The following DIAPH2 variants were observed in gnomAD, a reference collection of about 807,000 sequenced individuals.
The protein encoded by DIAPH2 is protein diaphanous homolog 2.
DIAPH2 carries 35 observed loss-of-function variants against 92.7 expected under a neutral mutation model. The ratio of observed to expected loss-of-function variants is 0.38; its 90% confidence interval spans 0.29 to 0.50. The LOEUF is 0.50. Ranked by LOEUF, DIAPH2 falls within the 20% of genes least tolerant of loss-of-function variation. DIAPH2 has a pLI of 0.94. For synonymous variants in DIAPH2, 301 were observed against 280.4 expected, an observed-to-expected ratio of 1.07 and a Z score of -0.73; for missense variants, 701 against 819.5, an observed-to-expected ratio of 0.86 and a Z score of 1.77.
chrX:97,161,512 T>C (rs2067373282), intron 22 of DIAPH2, among the ~76,000 whole-genome samples: 1 of 110,627 alleles, frequency 9.0e-6, no homozygotes, highest in African/African-American at 3.3e-5. Context: ...GCAATACTCC[T>C]ACCTCACCCT....
chrX:97,118,492 G>A (rs144050314), intron 21 of DIAPH2, among the ~76,000 whole-genome samples: 119 of 111,781 alleles, frequency 1.1e-3, no homozygotes, highest in Non-Finnish European at 2.0e-3. Context: ...CAAAGGTTAG[G>A]AGCAGGTAAA....
chrX:97,313,342 T>C (rs1025846696), intron 23 of DIAPH2, among the ~76,000 whole-genome samples: 2 of 111,182 alleles, frequency 1.8e-5, no homozygotes, highest in African/African-American at 6.5e-5. Flanking sequence ...ATACTGGGTC[T>C]GTGTGGTCAT....
chrX:97,100,224 C>T (rs1337091128), intron 20 of DIAPH2, among the ~76,000 whole-genome samples: 7 of 110,450 alleles, frequency 6.3e-5, no homozygotes, highest in South Asian at 3.8e-4. Flanking sequence ...GGGTATATGT[C>T]GTGTCAGAAA....
At position 97,308,436 on chromosome X, in the gene DIAPH2, A is replaced by G. The variant is rs937438133; in HGVS notation, c.2845-39680A>G. Among the ~76,000 whole-genome samples the G allele has an allele frequency of 2.7e-5, 3 of 109,513 alleles. No individual in the cohort carries two copies. In the Admixed American group the frequency reaches 3.0e-4, roughly 11 times the overall value. On this transcript the variant is annotated intron_variant, in intron 23 of 26. Coordinates refer to ENST00000324765, the MANE Select transcript of DIAPH2 (RefSeq NM_006729.5). ...ATCCCATCGCTTTACTTTGCTTGCT[A>G]TACTCCCTTTTCCCTCACTTCTGTA...
chrX:97,168,044 G>T (rs1368379993), intron 22 of DIAPH2, among the ~76,000 whole-genome samples: 5 of 109,989 alleles, frequency 4.5e-5, no homozygotes, highest in African/African-American at 1.7e-4. Context: ...TTTTAAAAAT[G>T]TGCCTTTTAA....
At position 97,487,946 on chromosome X, in the gene DIAPH2, A is replaced by G. The variant is rs934423632; in HGVS notation, c.3241+58201A>G. 4.5e-5 allele frequency among the ~76,000 whole-genome samples: 5 copies of G among 111,608 alleles called. No individual in the cohort carries two copies. The Admixed American group carries it at 4.7e-4, about 11-fold the overall frequency. On this transcript the variant is annotated intron_variant, in intron 26 of 26. Transcript: ENST00000324765. ...AAATGTCTATTCAAAACCTTTCCTT[A>G]TTTTTTAAACTGGCTATTTGGGAGC...
chrX:96,715,144 A>G (rs1463670035), intron 1 of DIAPH2, among the ~76,000 whole-genome samples: 1 of 112,175 alleles, frequency 8.9e-6, no homozygotes, highest in Non-Finnish European at 1.9e-5. Context: ...TTAAAAAATT[A>G]CTACACTAAA....
intron 26 of DIAPH2, among the ~76,000 whole-genome samples, chrX:97,510,256 C>T (rs1419819995): frequency 9.0e-5 from 10 of 111,124 alleles, no homozygotes; most frequent in Non-Finnish European, 1.5e-4. Context: ...TCTCTGATGG[C>T]CAGTGATGAT....
At chrX:97,139,138 T>A (rs1187694360) in intron 21 of DIAPH2, among the ~76,000 whole-genome samples, 6 of 110,160 alleles carry the variant, frequency 5.4e-5, no homozygotes, top group African/African-American at 2.0e-4. Context: ...TGGATAAATG[T>A]CTTTAACCAG....
chrX:96,745,792 C>T (rs2064146342), intron 3 of DIAPH2, among the ~76,000 whole-genome samples: 5 of 112,266 alleles, frequency 4.5e-5, no homozygotes, highest in Non-Finnish European at 5.6e-5. Context: ...CTATTCTGTG[C>T]ATTGGTGCAT....
chrX:97,052,299 A>G (rs1299986485), intron 17 of DIAPH2, among the ~76,000 whole-genome samples: 1 of 111,041 alleles, frequency 9.0e-6, no homozygotes, highest in Non-Finnish European at 1.9e-5. Flanking sequence ...TTTTCAGCAG[A>G]ATAAATTGTA....
At chrX:96,699,524 C>T (rs2063843144) in intron 1 of DIAPH2, among the ~76,000 whole-genome samples, 1 of 111,947 alleles carries the variant, frequency 8.9e-6, no homozygotes, top group African/African-American at 3.3e-5. Flanking sequence ...CTCTATCCTA[C>T]AATCATAGGA....
intron 4 of DIAPH2, among the ~76,000 whole-genome samples, chrX:96,863,607 G>GT (rs984565003): frequency 2.0e-4 from 22 of 109,520 alleles, no homozygotes; most frequent in South Asian, 7.8e-4. Flanking sequence ...TGTACCTAGA[G>GT]TTTTTTTTAC....
At chrX:97,591,207 A>G (rs2071514790) in intron 26 of DIAPH2, among the ~76,000 whole-genome samples, 1 of 111,865 alleles carries the variant, frequency 8.9e-6, no homozygotes, top group Admixed American at 9.5e-5. Flanking sequence ...TTAAGGCTTA[A>G]CTGGGAAGAA....
chrX:97,491,480 G>A (rs929568560), intron 26 of DIAPH2, among the ~76,000 whole-genome samples: 14 of 110,716 alleles, frequency 1.3e-4, no homozygotes, highest in African/African-American at 1.6e-4. Context: ...GTGCGATCTC[G>A]GCTCATGGCA....
At chrX:97,062,326 G>A (rs2066604624) in intron 17 of DIAPH2, among the ~76,000 whole-genome samples, 1 of 111,932 alleles carries the variant, frequency 8.9e-6, no homozygotes, top group Admixed American at 9.5e-5. Context: ...TATTTATTGA[G>A]CTATTATAGA....
chrX:97,588,820 G>A (rs1027972316), intron 26 of DIAPH2, among the ~76,000 whole-genome samples: 28 of 104,767 alleles, frequency 2.7e-4, no homozygotes, highest in Non-Finnish European at 3.7e-4. Flanking sequence ...CTTAGTGATG[G>A]TATAATCAAC....
At chrX:97,307,923 A>G (rs769864488) in intron 23 of DIAPH2, among the ~76,000 whole-genome samples, 27 of 108,701 alleles carry the variant, frequency 2.5e-4, no homozygotes, top group Admixed American at 2.0e-3. Context: ...AAAAAAAAAA[A>G]AAAGAAAAAG....
At chrX:96,846,755 G>T (rs1486705973) in intron 4 of DIAPH2, among the ~76,000 whole-genome samples, 1 of 95,332 alleles carries the variant, frequency 1.0e-5, no homozygotes, top group Admixed American at 1.2e-4. Flanking sequence ...AAAGTTTTGT[G>T]TACAAAATAG....
Sources: allele counts gnomAD v4.1 joint callset (sites outside exome capture counted in the v4.1 genomes callset), GRCh38; gene constraint gnomAD v4.1.1; transcripts MANE v1.5; gene names NCBI Gene and HGNC (gene_info 2026-07-23, HGNC 2026-07-21).